FAM168A: variants seen among roughly 807,000 people sequenced by gnomAD.
The protein encoded by FAM168A is family with sequence similarity 168 member A, also known as protein FAM168A.
A neutral mutation model predicts 28.5 loss-of-function variants in FAM168A; 3 were observed. The ratio of observed to expected loss-of-function variants is 0.11; its 90% CI spans 0.05 to 0.27. The LOEUF is 0.27. Among genes scored for constraint, FAM168A ranks in the 10% least tolerant of loss-of-function variants. The probability of loss-of-function intolerance (pLI) is 1.00; values close to 1 mark genes in which losing one functional copy is unlikely to be tolerated. For synonymous variants in FAM168A, 122 were observed against 124.2 expected (o/e 0.98, Z 0.12); for missense variants, 222 against 311.5 (o/e 0.71, Z 2.16).
chr11:73,468,544 G>A, intron 1 of FAM168A, 52 bp from the exon 2 acceptor site: 1 of 1,360,240 alleles, frequency 7.4e-7, no homozygotes, highest in Non-Finnish European at 1.0e-6. Context: ...CATTCTTCCT[G>A]ACATCAGCTT....
At chr11:73,468,549 C>G (rs1375741504) in intron 1 of FAM168A, 57 bp from the exon 2 acceptor site, 1 of 1,310,108 alleles carries the variant, frequency 7.6e-7, no homozygotes, top group Non-Finnish European at 1.1e-6. Context: ...TTCCTGACAT[C>G]AGCTTCTCCT....
intron 4 of FAM168A, among the ~76,000 whole-genome samples, chr11:73,418,625 A>G (rs936204456): frequency 1.3e-5 from 2 of 152,376 alleles, no homozygotes; most frequent in East Asian, 3.9e-4. Flanking sequence ...TAGTAGATTA[A>G]TAATTTGTGG....
chr11:73,496,123 G>A (rs1391239158), intron 1 of FAM168A, among the ~76,000 whole-genome samples: 1 of 152,016 alleles, frequency 6.6e-6, no homozygotes, highest in Non-Finnish European at 1.5e-5. Context: ...ACGCATGATG[G>A]AATATTACTC....
At chr11:73,439,591 A>AT (rs913669432) in intron 2 of FAM168A, among the ~76,000 whole-genome samples, 35 of 150,362 alleles carry the variant, frequency 2.3e-4, no homozygotes, top group South Asian at 1.3e-3. Context: ...CCTCAGGACA[A>AT]TTTTTTTTTT....
chr11:73,477,571 G>C (rs985127105), intron 1 of FAM168A, among the ~76,000 whole-genome samples: 1 of 151,984 alleles, frequency 6.6e-6, no homozygotes, highest in African/African-American at 2.4e-5. Flanking sequence ...AAAAGTCAAA[G>C]AGAAAATTTC....
chr11:73,511,241 T>C (rs1291450733), intron 1 of FAM168A, among the ~76,000 whole-genome samples: 1 of 151,878 alleles, frequency 6.6e-6, no homozygotes, highest in African/African-American at 2.4e-5. Context: ...ATTTTTCTTT[T>C]TTTTTCTTTT....
At chr11:73,526,156 A>G (rs1440422715) in intron 1 of FAM168A, among the ~76,000 whole-genome samples, 2 of 152,214 alleles carry the variant, frequency 1.3e-5, no homozygotes, top group Non-Finnish European at 2.9e-5. Flanking sequence ...AAGAGTCTCC[A>G]CAAAAGTGAT....
intron 1 of FAM168A, among the ~76,000 whole-genome samples, chr11:73,536,576 A>G (rs1943585311): frequency 6.6e-6 from 1 of 152,038 alleles, no homozygotes; most frequent in South Asian, 2.1e-4. Context: ...AATCCCAGCT[A>G]CTCGGGAGGC....
intron 3 of FAM168A, among the ~76,000 whole-genome samples, chr11:73,426,094 A>G (rs1364931642): frequency 6.6e-6 from 1 of 152,250 alleles, no homozygotes; most frequent in Non-Finnish European, 1.5e-5. Flanking sequence ...GTGAAATCAA[A>G]TGAGACAATA....
chr11:73,450,874 G>A (rs1482714382), intron 2 of FAM168A, among the ~76,000 whole-genome samples: 1 of 152,158 alleles, frequency 6.6e-6, no homozygotes, highest in East Asian at 1.9e-4. Flanking sequence ...GAAAGGACAA[G>A]TCTACAGTGG....
At chr11:73,570,265 C>T (rs1038627852) in intron 1 of FAM168A, among the ~76,000 whole-genome samples, 2 of 151,990 alleles carry the variant, frequency 1.3e-5, no homozygotes, top group Admixed American at 6.6e-5. Flanking sequence ...CTCTATAAAA[C>T]GGGGATAATG....
chr11:73,575,308 AAC>A (rs1240806253), intron 1 of FAM168A, among the ~76,000 whole-genome samples: 1 of 152,228 alleles, frequency 6.6e-6, no homozygotes, highest in East Asian at 1.9e-4. Context: ...TGACAGGAAG[AAC>A]AATCAGATAT....
At chr11:73,410,844 G>GA (rs1195388326) in intron 5 of FAM168A, among the ~76,000 whole-genome samples, 6 of 152,134 alleles carry the variant, frequency 3.9e-5, no homozygotes, top group Non-Finnish European at 7.4e-5. Flanking sequence ...ACCAATCCTG[G>GA]AATGCATACA....
At chr11:73,572,010 G>A (rs1490388096) in intron 1 of FAM168A, among the ~76,000 whole-genome samples, 4 of 148,942 alleles carry the variant, frequency 2.7e-5, no homozygotes, top group African/African-American at 5.0e-5. Context: ...GAGACCCTCC[G>A]CCTGGCAGCC....
At chr11:73,490,062 T>G (rs1272138527) in intron 1 of FAM168A, among the ~76,000 whole-genome samples, 2 of 152,202 alleles carry the variant, frequency 1.3e-5, no homozygotes, top group Non-Finnish European at 2.9e-5. Flanking sequence ...AATCTGTTTC[T>G]CCTGAAGTCC....
intron 1 of FAM168A, among the ~76,000 whole-genome samples, chr11:73,523,587 T>C (rs1253083699): frequency 3.9e-5 from 6 of 152,084 alleles, no homozygotes; most frequent in African/African-American, 1.4e-4. Flanking sequence ...GTAATCACGT[T>C]CAACTTTTAG....
At chr11:73,537,303 G>A (rs955079604) in intron 1 of FAM168A, among the ~76,000 whole-genome samples, 1 of 152,156 alleles carries the variant, frequency 6.6e-6, no homozygotes, top group African/African-American at 2.4e-5. Context: ...GCTCACACCT[G>A]TAATCTTAGC....
At position 73,404,533 on chromosome 11, in the gene FAM168A, G is replaced by A. The variant is rs1218082845; in HGVS notation, c.*2230C>T. On this transcript the variant is annotated 3_prime_UTR_variant, in exon 8 of 8. Transcript: ENST00000356467. ...CCACCTTTACAAAACCAAAGAGGGT[G>A]GAAGGAGGTATTTGCAAAAAGTGAA... 2 of 152,166 alleles carry A rather than the reference G, an allele frequency of 1.3e-5. No individual in the cohort carries two copies. Among genetic ancestry groups the A allele is most frequent in the Non-Finnish European group, 2.9e-5 (2 of 68,030 alleles). 9.4% of individuals were successfully genotyped at this position (152,166 alleles called of 1,614,324 possible). A position where few individuals can be genotyped will look rare whatever the true frequency, so the allele number is the denominator to read the frequency against.
chr11:73,549,688 C>A (rs1943803414), intron 1 of FAM168A, among the ~76,000 whole-genome samples: 1 of 152,214 alleles, frequency 6.6e-6, no homozygotes, highest in Non-Finnish European at 1.5e-5. Context: ...TAACACAGAG[C>A]TTGTTCTACC....
Sources: gnomAD v4.1 joint callset for allele counts (sites outside exome capture counted in the v4.1 genomes callset) on GRCh38, gnomAD v4.1.1 for gene constraint, MANE v1.5 for transcripts, NCBI Gene and HGNC (gene_info 2026-07-23, HGNC 2026-07-21) for gene names.